The following SGCD variants were observed in gnomAD, a reference collection of about 807,000 sequenced individuals.
SGCD encodes sarcoglycan delta.
In SGCD, 18 loss-of-function variants were observed where a neutral mutation model predicts 36.6. That is an observed-to-expected ratio of 0.49 (90% CI 0.34 to 0.73). The LOEUF is 0.73. Ranked by LOEUF, SGCD falls within the 30% of genes least tolerant of loss-of-function variation. The probability of loss-of-function intolerance (pLI) is 0.01; values close to 1 mark genes in which losing one functional copy is unlikely to be tolerated. For missense variants in SGCD, 387 were observed against 346.7 expected (o/e 1.12, Z -0.92); for synonymous variants, 133 against 130.6 (o/e 1.02, Z -0.12).
chr5:155,745,638 A>G, the SGCD span, among the ~76,000 whole-genome samples: 1 of 152,228 alleles, frequency 6.6e-6, no homozygotes, highest in African/African-American at 2.4e-5. Flanking sequence ...AGGATTAAGA[A>G]GTTGTGAGTA....
rs926138746 is a variant in SGCD at position 156,725,212 on chromosome 5, G to A, written c.576-32369G>A. 2.0e-5 allele frequency among the ~76,000 whole-genome samples: 3 copies of A among 152,180 alleles called. No homozygotes were observed. The East Asian group carries it at 5.8e-4, about 29-fold the overall frequency. The stretch of plus-strand genomic sequence containing the variant: ...GTCTGGAGTTCCAAGGAGTTGTCTA[G>A]AATGATGGCTCTAAGAATGACTTAC... On this transcript the variant is annotated intron_variant, in intron 7 of 8. Transcript: ENST00000337851.
chr5:155,770,079 T>C, the SGCD span, among the ~76,000 whole-genome samples: 1 of 152,136 alleles, frequency 6.6e-6, no homozygotes, highest in South Asian at 2.1e-4. Flanking sequence ...CACGCATTCA[T>C]TCATAGTGTG....
chr5:156,432,518 G>C (rs1753068959), intron 3 of SGCD, among the ~76,000 whole-genome samples: 2 of 152,136 alleles, frequency 1.3e-5, no homozygotes, highest in African/African-American at 4.8e-5. Flanking sequence ...GGGCCATAAA[G>C]CTCCCCAAGA....
chr5:155,981,288 A>G (rs541651090), intron 1 of SGCD, among the ~76,000 whole-genome samples: 13 of 152,286 alleles, frequency 8.5e-5, no homozygotes, highest in Admixed American at 1.3e-4. Context: ...ACTTGGGGCC[A>G]TGGAATTAGG....
At position 156,759,846 on chromosome 5, in the gene SGCD, C is replaced by T. The variant is rs1757468272; in HGVS notation, c.*456C>T. 1 of 152,088 alleles carries T rather than the reference C, an allele frequency of 6.6e-6. No individual in the cohort carries two copies. Among genetic ancestry groups the T allele is most frequent in the Non-Finnish European group, 1.5e-5 (1 of 68,032 alleles). 9.4% of individuals were successfully genotyped at this position (152,088 alleles called of 1,614,324 possible). On this transcript the variant is annotated 3_prime_UTR_variant, in exon 9 of 9. Transcript: ENST00000337851. Reference sequence around the variant, plus strand: ...AGTGATGGCGGGAATCTCAGTCGCACTCAAGCTCTGAGACCTTTGTATCAA... The same window carrying T: ...AGTGATGGCGGGAATCTCAGTCGCATTCAAGCTCTGAGACCTTTGTATCAA...
At chr5:156,251,007 T>A (rs1317711493) in intron 3 of SGCD, among the ~76,000 whole-genome samples, 2 of 152,240 alleles carry the variant, frequency 1.3e-5, no homozygotes, top group East Asian at 3.8e-4. Context: ...AACTTAATTT[T>A]ATGATGTGCC....
intron 4 of SGCD, among the ~76,000 whole-genome samples, chr5:156,534,065 A>G (rs1263351318): frequency 6.6e-6 from 1 of 152,204 alleles, no homozygotes; most frequent in Non-Finnish European, 1.5e-5. Flanking sequence ...TTTTTCGGTC[A>G]GTATTCATTA....
intron 3 of SGCD, among the ~76,000 whole-genome samples, chr5:156,268,013 G>A (rs988150540): frequency 1.3e-5 from 2 of 152,110 alleles, no homozygotes; most frequent in African/African-American, 4.8e-5. Flanking sequence ...GTAGACCCCA[G>A]TGTCTGCTGT....
At chr5:156,723,894 AT>A (rs1755637829) in intron 7 of SGCD, among the ~76,000 whole-genome samples, 1 of 151,782 alleles carries the variant, frequency 6.6e-6, no homozygotes, top group African/African-American at 2.4e-5. Flanking sequence ...TGCATGCATA[AT>A]ATGAGCAAAT....
At chr5:156,335,346 C>T (rs952686574) in intron 2 of SGCD, among the ~76,000 whole-genome samples, 4 of 152,190 alleles carry the variant, frequency 2.6e-5, no homozygotes, top group African/African-American at 9.7e-5. Context: ...AAAAACTGTA[C>T]AGATACACTT....
At chr5:155,737,396 A>G in the SGCD span, among the ~76,000 whole-genome samples, 2 of 152,322 alleles carry the variant, frequency 1.3e-5, no homozygotes, top group African/African-American at 4.8e-5. Context: ...GAGACACAAT[A>G]TATTCACCCA....
the SGCD span, among the ~76,000 whole-genome samples, chr5:155,821,895 C>T: frequency 4.6e-5 from 7 of 152,096 alleles, no homozygotes; most frequent in African/African-American, 1.7e-4. Flanking sequence ...ACGATAATGC[C>T]TATCTTAGAG....
chr5:156,677,543 G>A (rs936541693), intron 7 of SGCD, among the ~76,000 whole-genome samples: 1 of 151,912 alleles, frequency 6.6e-6, no homozygotes, highest in Non-Finnish European at 1.5e-5. Flanking sequence ...CTGTTGTAGG[G>A]TTGGGGGAGG....
intron 4 of SGCD, among the ~76,000 whole-genome samples, chr5:156,527,832 G>A (rs1016071253): frequency 1.8e-4 from 27 of 152,160 alleles, no homozygotes; most frequent in African/African-American, 5.6e-4. Context: ...GGGGGCCGAG[G>A]CCCTTGCTGG....
intron 1 of SGCD, among the ~76,000 whole-genome samples, chr5:155,971,662 A>C (rs2127559852): frequency 6.6e-6 from 1 of 152,264 alleles, no homozygotes; most frequent in East Asian, 1.9e-4. Flanking sequence ...TGAAGTAAAT[A>C]ATATATCTTC....
chr5:155,901,489 T>C (rs1323831632), intron 1 of SGCD, among the ~76,000 whole-genome samples: 1 of 152,068 alleles, frequency 6.6e-6, no homozygotes. Flanking sequence ...AGCTCTGACA[T>C]GGGAAAATGG....
intron 1 of SGCD, among the ~76,000 whole-genome samples, chr5:155,982,229 CTGTCGGGGCA>C (rs1219435704): frequency 6.6e-6 from 1 of 152,104 alleles, no homozygotes; most frequent in Admixed American, 6.5e-5. Flanking sequence ...TCCATTCAGA[CTGTCGGGGCA>C]TGAGGGCAGG....
intron 6 of SGCD, among the ~76,000 whole-genome samples, chr5:156,625,008 A>C (rs112292308): frequency 6.6e-6 from 1 of 152,208 alleles, no homozygotes; most frequent in Non-Finnish European, 1.5e-5. Flanking sequence ...TACTCAGGAT[A>C]TGGGTTGGTG....
chr5:156,685,328 A>C (rs1175878857), intron 7 of SGCD, among the ~76,000 whole-genome samples: 2 of 152,200 alleles, frequency 1.3e-5, no homozygotes, highest in African/African-American at 4.8e-5. Context: ...TAGAAAAAAA[A>C]GCTCATGGAG....
Sources: gnomAD v4.1 joint callset for allele counts (sites outside exome capture counted in the v4.1 genomes callset) on GRCh38, gnomAD v4.1.1 for gene constraint, MANE v1.5 for transcripts, NCBI Gene and HGNC (gene_info 2026-07-23, HGNC 2026-07-21) for gene names.